Variants in SHISA9 observed in about 807,000 individuals in gnomAD.
SHISA9 encodes the protein shisa family member 9, also known as protein shisa-9.
In SHISA9, 13 loss-of-function variants were observed where a neutral mutation model predicts 38.0. That is an observed-to-expected ratio of 0.34 (90% confidence interval 0.22 to 0.54). The LOEUF is 0.54. SHISA9 is among the 20% of genes least tolerant of loss of function. The pLI, the probability that SHISA9 is intolerant of heterozygous loss-of-function variation, is 0.91. For missense variants in SHISA9, 538 were observed against 575.8 expected, an observed-to-expected ratio of 0.93 and a Z score of 0.67; for synonymous variants, 275 against 242.0, an observed-to-expected ratio of 1.14 and a Z score of -1.27.
intron 2 of SHISA9, among the ~76,000 whole-genome samples, chr16:13,160,679 G>C (rs1361108346): frequency 6.6e-6 from 1 of 152,148 alleles, no homozygotes; most frequent in African/African-American, 2.4e-5. Context: ...GGGCAGGTTG[G>C]GACCATTTTA....
At chr16:13,440,783 G>C in the SHISA9 span, among the ~76,000 whole-genome samples, 3 of 152,054 alleles carry the variant, frequency 2.0e-5, no homozygotes, top group South Asian at 6.2e-4. Context: ...TTAGCCAGGC[G>C]TGGTGGCGCG....
At chr16:13,426,180 G>A in the SHISA9 span, among the ~76,000 whole-genome samples, 1 of 152,136 alleles carries the variant, frequency 6.6e-6, no homozygotes, top group Non-Finnish European at 1.5e-5. Context: ...AATCATAATA[G>A]CTGCCGTTTA....
At chr16:13,121,404 A>G (rs963892141) in intron 2 of SHISA9, among the ~76,000 whole-genome samples, 7 of 152,030 alleles carry the variant, frequency 4.6e-5, no homozygotes, top group South Asian at 2.1e-4. Flanking sequence ...AGGCAGAAGG[A>G]TTGCTTGAAC....
intron 2 of SHISA9, among the ~76,000 whole-genome samples, chr16:12,971,482 C>A (rs1342021592): frequency 6.6e-6 from 1 of 152,198 alleles, no homozygotes; most frequent in Admixed American, 6.5e-5. Flanking sequence ...GATGAGTCAG[C>A]CACTGAAGCT....
chr16:13,214,177 G>A (rs1267844467), intron 4 of SHISA9, among the ~76,000 whole-genome samples: 1 of 152,112 alleles, frequency 6.6e-6, no homozygotes, highest in Non-Finnish European at 1.5e-5. Flanking sequence ...ACTGACCTAA[G>A]GAGGTGGAGG....
chr16:12,921,015 T>C (rs532548724), intron 2 of SHISA9, among the ~76,000 whole-genome samples: 4 of 152,324 alleles, frequency 2.6e-5, no homozygotes, highest in Admixed American at 2.0e-4. Context: ...CTAGTGTCTA[T>C]AAAAACAACT....
At chr16:13,038,108 G>C (rs2141885030) in intron 2 of SHISA9, among the ~76,000 whole-genome samples, 1 of 152,282 alleles carries the variant, frequency 6.6e-6, no homozygotes, top group South Asian at 2.1e-4. Flanking sequence ...TTGTGCCTCA[G>C]CCACCCGAGT....
At chr16:13,477,507 G>A in the SHISA9 span, among the ~76,000 whole-genome samples, 209 of 152,316 alleles carry the variant, frequency 1.4e-3, 2 homozygotes, top group African/African-American at 4.8e-3. Context: ...AGTGAAAAAG[G>A]TGGTGGGGGG....
chr16:13,024,164 A>T (rs1426334505), intron 2 of SHISA9, among the ~76,000 whole-genome samples: 2 of 152,256 alleles, frequency 1.3e-5, no homozygotes, highest in African/African-American at 4.8e-5. Flanking sequence ...AGGTAGCTCA[A>T]GCACCTACAG....
intron 4 of SHISA9, among the ~76,000 whole-genome samples, chr16:13,231,513 A>G (rs531361691): frequency 1.3e-3 from 195 of 152,364 alleles, no homozygotes; most frequent in African/African-American, 4.5e-3. Context: ...TGTGATCCTC[A>G]CAGCCTTAGC....
At chr16:12,945,834 A>C (rs1415519174) in intron 2 of SHISA9, among the ~76,000 whole-genome samples, 1 of 152,244 alleles carries the variant, frequency 6.6e-6, no homozygotes, top group African/African-American at 2.4e-5. Context: ...GGTGGCTCAC[A>C]CATCCTGGCT....
chr16:13,245,798 C>G, the SHISA9 span, among the ~76,000 whole-genome samples: 3 of 152,154 alleles, frequency 2.0e-5, no homozygotes, highest in Admixed American at 2.0e-4. Context: ...TGAGGCTAGA[C>G]CGACTTTGGA....
Position 13,235,792 on chromosome 16 carries a change from G to A in SHISA9, c.*383G>A, listed in dbSNP as rs2051377771. 3 of 206,546 alleles carry A rather than the reference G, an allele frequency of 1.5e-5. No individual in the cohort carries two copies. The highest frequency in any genetic ancestry group is 2.9e-5 in the Non-Finnish European group (3 of 103,484). The allele number at this position is 206,546 out of a possible 1,614,324, so 12.8% of individuals were successfully genotyped here. ...AAAAGTAGCACAATTTAGAGAAATT[G>A]TCCATTTGAGCACATACACTACTTG... is the stretch of plus-strand genomic sequence containing the variant. On this transcript the variant is annotated 3_prime_UTR_variant, in exon 5 of 5. Coordinates refer to ENST00000558583, the MANE Select transcript of SHISA9 (RefSeq NM_001145204.3).
At chr16:13,017,510 G>C (rs889815365) in intron 2 of SHISA9, among the ~76,000 whole-genome samples, 2 of 152,142 alleles carry the variant, frequency 1.3e-5, no homozygotes, top group Non-Finnish European at 2.9e-5. Context: ...TTCCCATTTA[G>C]ATCTGTCTTA....
the SHISA9 span, among the ~76,000 whole-genome samples, chr16:13,347,752 C>A: frequency 1.3e-5 from 2 of 152,104 alleles, no homozygotes; most frequent in Non-Finnish European, 2.9e-5. Context: ...AGAATTTCTT[C>A]TTTTTCTTCA....
chr16:13,446,958 T>G, the SHISA9 span, among the ~76,000 whole-genome samples: 1 of 138,328 alleles, frequency 7.2e-6, no homozygotes, highest in Non-Finnish European at 1.5e-5. Context: ...CCAGCCTGAG[T>G]AACAGAGCGA....
intron 2 of SHISA9, among the ~76,000 whole-genome samples, chr16:13,150,341 C>G (rs371098668): frequency 2.0e-5 from 3 of 152,102 alleles, no homozygotes; most frequent in East Asian, 3.9e-4. Flanking sequence ...GAGAGCCTTC[C>G]CTGACACCCC....
chr16:12,933,593 C>T (rs1399475254), intron 2 of SHISA9, among the ~76,000 whole-genome samples: 1 of 152,042 alleles, frequency 6.6e-6, no homozygotes, highest in Non-Finnish European at 1.5e-5. Flanking sequence ...ATGACCAGCC[C>T]AGAATTGTCT....
At chr16:13,178,162 A>G (rs955148748) in intron 2 of SHISA9, among the ~76,000 whole-genome samples, 3 of 152,160 alleles carry the variant, frequency 2.0e-5, no homozygotes, top group African/African-American at 7.2e-5. Context: ...AGGGTATTTT[A>G]TTCTTCTCAA....
Sources: gnomAD v4.1 joint callset for allele counts (sites outside exome capture counted in the v4.1 genomes callset) on GRCh38, gnomAD v4.1.1 for gene constraint, MANE v1.5 for transcripts, NCBI Gene and HGNC (gene_info 2026-07-23, HGNC 2026-07-21) for gene names.